The following PARD3B variants were observed in gnomAD, a reference collection of about 807,000 sequenced individuals.
PARD3B encodes the protein par-3 family cell polarity regulator beta.
In PARD3B, 103 loss-of-function variants were observed where a neutral mutation model predicts 130.2. The observed-to-expected ratio is 0.79, with a 90% confidence interval of 0.67 to 0.93. PARD3B has a LOEUF of 0.93. PARD3B is among the 40% of genes least tolerant of loss of function. The pLI, the probability that PARD3B is intolerant of heterozygous loss-of-function variation, is 0.00. For synonymous variants in PARD3B, 583 were observed against 553.2 expected (o/e 1.05, Z -0.76); for missense variants, 1,609 against 1,499.2 (o/e 1.07, Z -1.21).
chr2:204,834,768 G>A (rs1263096144), intron 2 of PARD3B, among the ~76,000 whole-genome samples: 2 of 152,160 alleles, frequency 1.3e-5, no homozygotes, highest in Admixed American at 6.5e-5. Context: ...CCATAGTTCA[G>A]CAGCAGAGTG....
chr2:204,777,929 G>C (rs549634141), intron 2 of PARD3B, among the ~76,000 whole-genome samples: 1 of 152,206 alleles, frequency 6.6e-6, no homozygotes, highest in South Asian at 2.1e-4. Flanking sequence ...CATGAGCTCT[G>C]ATGGTTTTAT....
intron 2 of PARD3B, among the ~76,000 whole-genome samples, chr2:204,763,345 C>T (rs944207880): frequency 1.3e-5 from 2 of 152,100 alleles, no homozygotes; most frequent in African/African-American, 4.8e-5. Flanking sequence ...TTTGGTTTTA[C>T]AGATTAAAGG....
At chr2:205,189,382 A>T (rs1392007594) in intron 14 of PARD3B, among the ~76,000 whole-genome samples, 1 of 152,188 alleles carries the variant, frequency 6.6e-6, no homozygotes, top group Non-Finnish European at 1.5e-5. Flanking sequence ...AAACACTGGC[A>T]TATGTTTCAT....
At position 205,128,495 on chromosome 2, in the gene PARD3B, A is replaced by G. The variant is rs1006965098; in HGVS notation, c.1434+2758A>G. ...TTGTCTCTGGAGTTCACATCCCAGA[A>G]TTCAACTTCTGTATCCACCACTTAC... On this transcript the variant is annotated intron_variant, in intron 10 of 22. Transcript: ENST00000406610. This position sits in a 1 kb window ranked among gnomAD's most constrained non-coding sequence, Gnocchi z 4.5. Among the ~76,000 whole-genome samples, 4 of 152,328 alleles carry G rather than the reference A, an allele frequency of 2.6e-5. No homozygotes were observed. The highest frequency in any genetic ancestry group is 9.6e-5 in the African/African-American group (4 of 41,582).
At position 205,222,034 on chromosome 2, in the gene PARD3B, C is replaced by G. The variant is rs193204746; in HGVS notation, c.2141-23744C>G. 3.4e-4 allele frequency among the ~76,000 whole-genome samples: 51 copies of G among 151,944 alleles called. 1 individual carries two copies. Among genetic ancestry groups the G allele is most frequent in the Admixed American group, 2.1e-3 (32 of 15,256 alleles). ...CTTAATATTTGGGTGATGAAATAATCTGTTCAACAGACCTCTATTACACAA... is the reference window on the plus strand; with the variant it reads ...CTTAATATTTGGGTGATGAAATAATGTGTTCAACAGACCTCTATTACACAA... On this transcript the variant is annotated intron_variant, in intron 15 of 22. Coordinates refer to ENST00000406610, the MANE Select transcript of PARD3B (RefSeq NM_001302769.2).
chr2:204,720,415 G>C (rs532766977), intron 2 of PARD3B, among the ~76,000 whole-genome samples: 1 of 152,228 alleles, frequency 6.6e-6, no homozygotes, highest in East Asian at 1.9e-4. Flanking sequence ...TGATAAAATA[G>C]ACCCAACTTA....
At chr2:205,133,892 G>C (rs1207037084) in intron 10 of PARD3B, among the ~76,000 whole-genome samples, 2 of 152,178 alleles carry the variant, frequency 1.3e-5, no homozygotes, top group African/African-American at 4.8e-5. Context: ...GTAACTTGTA[G>C]ATTCAGACAC....
At chr2:204,575,605 G>A (rs1320757920) in intron 1 of PARD3B, among the ~76,000 whole-genome samples, 1 of 152,132 alleles carries the variant, frequency 6.6e-6, no homozygotes, top group Non-Finnish European at 1.5e-5. Context: ...TGGTACTTGC[G>A]TGTGGTGTCA....
At chr2:204,932,009 C>T (rs1462128289) in intron 2 of PARD3B, among the ~76,000 whole-genome samples, 2 of 152,060 alleles carry the variant, frequency 1.3e-5, no homozygotes, top group Admixed American at 6.6e-5. Context: ...ATCTAATAGA[C>T]ATATTTACCA....
In PARD3B at chr2:205,301,828, A is replaced by C; in HGVS notation, c.2630+127A>C. ...CTTCAGCCAAATGCATACGGCTCTC[A>C]ATTCTGTGCTCGTTCTCTTTCTGCA... is the stretch of plus-strand genomic sequence containing the variant. On this transcript the variant is annotated intron_variant, in intron 18 of 22. Coordinates refer to ENST00000406610, the MANE Select transcript of PARD3B (RefSeq NM_001302769.2). This position sits in a 1 kb window ranked among gnomAD's most constrained non-coding sequence, Gnocchi z 5.2. 6 of 1,420,996 alleles carry C rather than the reference A, an allele frequency of 4.2e-6. No individual in the cohort carries two copies. Among genetic ancestry groups the C allele is most frequent in the Non-Finnish European group, 6.0e-6 (6 of 1,004,182 alleles). 88.0% of individuals were successfully genotyped at this position (1,420,996 alleles called of 1,614,324 possible). A position where few individuals can be genotyped will look rare whatever the true frequency, so the allele number is the denominator to read the frequency against.
rs184381985 is a variant in PARD3B at position 205,104,491 on chromosome 2, G to A, written c.570G>A (p.Ser190=). 171 of 1,581,122 alleles carry A rather than the reference G, an allele frequency of 1.1e-4. 1 individual carries two copies. Among genetic ancestry groups the A allele is most frequent in the Middle Eastern group, 1.0e-3 (6 of 5,988 alleles). Residue 190 remains serine (S), a synonymous_variant, in exon 5 of 23, where the codon TCG becomes TCA. Coordinates refer to ENST00000406610, the MANE Select transcript of PARD3B (RefSeq NM_001302769.2). The stretch of plus-strand genomic sequence containing the variant: ...GTGTACAGACAGAACTACTAACTTC[G>A]CCAAGAACTAAGGACACATTGAGGT... ...LNGVQTELLT[S]PRTKDTLSDM... is the part of the protein sequence containing the mutation.
intron 2 of PARD3B, among the ~76,000 whole-genome samples, chr2:204,877,527 C>T (rs1269297933): frequency 2.6e-5 from 4 of 152,092 alleles, no homozygotes; most frequent in Non-Finnish European, 4.4e-5. Context: ...TTTTTGATAA[C>T]TATAAGGTCC....
rs1441658515 is a variant in PARD3B at position 204,819,205 on chromosome 2, CCT to C, written c.222+132924_222+132925del. ...TTGCAAATTGAAGGTTTGCGGCAAC[CCT>C]GTCTCAAGCAAGCCTGTCAGTGCCA... is the stretch of plus-strand genomic sequence containing the variant. On this transcript the variant is annotated intron_variant, in intron 2 of 22. Coordinates refer to ENST00000406610, the MANE Select transcript of PARD3B (RefSeq NM_001302769.2). 3.9e-5 allele frequency among the ~76,000 whole-genome samples: 6 copies of C among 152,264 alleles called. No individual in the cohort carries two copies. The South Asian group carries it at 1.2e-3, about 32-fold the overall frequency.
At chr2:205,170,124 TTCTCCA>T in intron 11 of PARD3B, among the ~76,000 whole-genome samples, 1 of 152,040 alleles carries the variant, frequency 6.6e-6, no homozygotes, top group East Asian at 1.9e-4. Flanking sequence ...GAGACGGGGT[TTCTCCA>T]TGTTGGTCAG....
At chr2:205,415,273 A>G (rs940846484) in intron 19 of PARD3B, among the ~76,000 whole-genome samples, 1 of 152,196 alleles carries the variant, frequency 6.6e-6, no homozygotes, top group African/African-American at 2.4e-5. Flanking sequence ...TTGGCATAAT[A>G]ATTTTCCTAC....
At chr2:205,600,304 C>A (rs1008669518) in intron 22 of PARD3B, among the ~76,000 whole-genome samples, 1 of 152,102 alleles carries the variant, frequency 6.6e-6, no homozygotes. Flanking sequence ...CCAAAGAGAC[C>A]GTTGGAGGAG....
intron 2 of PARD3B, among the ~76,000 whole-genome samples, chr2:204,735,813 C>G (rs1356610298): frequency 6.6e-6 from 1 of 152,068 alleles, no homozygotes; most frequent in African/African-American, 2.4e-5. Flanking sequence ...GTTGTTGGCA[C>G]CTTGCTTTGA....
chr2:205,084,273 T>A (rs867131535), intron 4 of PARD3B, among the ~76,000 whole-genome samples: 1 of 152,252 alleles, frequency 6.6e-6, no homozygotes, highest in South Asian at 2.1e-4. Flanking sequence ...AATCCTGGAA[T>A]TAGCAGATTG....
chr2:204,933,428 A>C (rs1688172713), intron 2 of PARD3B, among the ~76,000 whole-genome samples: 1 of 152,208 alleles, frequency 6.6e-6, no homozygotes, highest in Non-Finnish European at 1.5e-5. Context: ...GAGGAGTTTT[A>C]ACTAATGAAG....
Sources: gnomAD v4.1 joint callset for allele counts (sites outside exome capture counted in the v4.1 genomes callset) on GRCh38, gnomAD v4.1.1 for gene constraint, Gnocchi (gnomAD v3.1) non-coding constraint, MANE v1.5 for transcripts, NCBI Gene and HGNC (gene_info 2026-07-23, HGNC 2026-07-21) for gene names.